DSCAM: variants seen among roughly 807,000 people sequenced by gnomAD.
DSCAM encodes cell adhesion molecule DSCAM.
DSCAM carries 47 observed loss-of-function variants against 217.7 expected under a neutral mutation model. The observed-to-expected ratio is 0.22, with a 90% CI of 0.17 to 0.28. The LOEUF (loss-of-function observed/expected upper bound fraction) is 0.28, where lower values mean the gene tolerates loss of function less well. Ranked by LOEUF, DSCAM falls within the 10% of genes least tolerant of loss-of-function variation. DSCAM has a pLI of 1.00. For synonymous variants in DSCAM, 1,056 were observed against 1,015.3 expected (o/e 1.04, Z -0.76); for missense variants, 2,080 against 2,618.3 (o/e 0.79, Z 4.49).
intron 11 of DSCAM, among the ~76,000 whole-genome samples, chr21:40,256,010 A>G (rs2073365485): frequency 6.6e-6 from 1 of 152,222 alleles, no homozygotes; most frequent in Admixed American, 6.5e-5. Flanking sequence ...CTGGATAATA[A>G]AAGGGTATTT....
At chr21:40,705,085 G>C (rs983189415) in intron 2 of DSCAM, among the ~76,000 whole-genome samples, 5 of 152,198 alleles carry the variant, frequency 3.3e-5, no homozygotes, top group African/African-American at 2.4e-5. Flanking sequence ...TAAAGCTGGG[G>C]ACAAGAGACC....
At chr21:40,122,158 T>C (rs995901610) in intron 20 of DSCAM, among the ~76,000 whole-genome samples, 1 of 152,176 alleles carries the variant, frequency 6.6e-6, no homozygotes, top group Non-Finnish European at 1.5e-5. Context: ...TTTTTCTTCC[T>C]TTTCTATTGT....
chr21:40,013,851 C>T (rs1355642938), intron 32 of DSCAM, among the ~76,000 whole-genome samples: 1 of 152,212 alleles, frequency 6.6e-6, no homozygotes, highest in East Asian at 1.9e-4. Context: ...TCTATGAAAC[C>T]TTGTGACCTT....
intron 3 of DSCAM, among the ~76,000 whole-genome samples, chr21:40,407,318 G>C (rs2075287673): frequency 6.6e-6 from 1 of 152,114 alleles, no homozygotes; most frequent in Non-Finnish European, 1.5e-5. Context: ...ATTTTAAAAA[G>C]AGAAGGTCTC....
intron 9 of DSCAM, among the ~76,000 whole-genome samples, chr21:40,311,321 A>G (rs1369874818): frequency 1.3e-5 from 2 of 152,228 alleles, no homozygotes; most frequent in Non-Finnish European, 2.9e-5. Flanking sequence ...CATAAACATC[A>G]CAGAATGTCT....
At chr21:40,632,286 A>G (rs2089702012) in intron 3 of DSCAM, among the ~76,000 whole-genome samples, 1 of 147,600 alleles carries the variant, frequency 6.8e-6, no homozygotes, top group Admixed American at 6.8e-5. Flanking sequence ...GGCTTTATGA[A>G]TACTTGTCAT....
chr21:40,089,887 C>T (rs28399843), intron 21 of DSCAM, among the ~76,000 whole-genome samples: 52,965 of 151,968 alleles, frequency 0.35, 9,448 homozygotes, highest in Admixed American at 0.4. Context: ...AAAAAATCCA[C>T]GCAATAGAGC....
Position 40,179,024 on chromosome 21 carries a change from G to A in DSCAM, c.2850C>T (p.Ile950=). ...PQLNSATIID[I]HPSSTYSIRM... ...GGATGCTGTAGGTGGAGGAAGGGTG[G>A]ATATCAATGATGGTGGCCGAGTTCA... Residue 950 remains isoleucine, a synonymous_variant, in exon 15 of 33, where the codon ATC becomes ATT. Coordinates refer to ENST00000400454, the MANE Select transcript of DSCAM (RefSeq NM_001389.5). 6.2e-7 allele frequency: 1 copy of A among 1,614,026 alleles called. No homozygotes were observed.
intron 27 of DSCAM, among the ~76,000 whole-genome samples, chr21:40,072,766 C>T (rs2089314873): frequency 1.3e-5 from 2 of 152,118 alleles, no homozygotes; most frequent in Non-Finnish European, 2.9e-5. Flanking sequence ...TCCTTAACAT[C>T]TCTTAGTAAT....
chr21:40,078,051 C>T (rs531282161), intron 26 of DSCAM, among the ~76,000 whole-genome samples: 1 of 152,184 alleles, frequency 6.6e-6, no homozygotes, highest in African/African-American at 2.4e-5. Flanking sequence ...GCCCTTGATA[C>T]CAGAAAAAAT....
intron 6 of DSCAM, among the ~76,000 whole-genome samples, chr21:40,342,338 C>A (rs942956662): frequency 1.3e-5 from 2 of 151,778 alleles, no homozygotes; most frequent in Admixed American, 6.6e-5. Context: ...TCTGTGGTTG[C>A]CTTTTTCTTT....
intron 20 of DSCAM, among the ~76,000 whole-genome samples, chr21:40,095,055 T>A (rs950674507): frequency 3.3e-5 from 5 of 151,542 alleles, no homozygotes; most frequent in Non-Finnish European, 7.4e-5. Context: ...TAAAAAGAGG[T>A]TTAATGGATT....
intron 3 of DSCAM, among the ~76,000 whole-genome samples, chr21:40,508,900 G>C (rs548867558): frequency 4.8e-5 from 7 of 146,172 alleles, no homozygotes; most frequent in Admixed American, 2.8e-4. Context: ...GCCTCCCAAA[G>C]TGCTGGGATT....
At chr21:40,253,999 G>T (rs1477699280) in intron 11 of DSCAM, among the ~76,000 whole-genome samples, 1 of 152,208 alleles carries the variant, frequency 6.6e-6, no homozygotes, top group East Asian at 1.9e-4. Context: ...CACTGCTGGT[G>T]TCTGACATAA....
intron 27 of DSCAM, among the ~76,000 whole-genome samples, chr21:40,071,242 C>G (rs1256875361): frequency 1.3e-5 from 2 of 152,022 alleles, no homozygotes; most frequent in Non-Finnish European, 2.9e-5. Context: ...TCATTAAAAG[C>G]AAAATGCGGC....
chr21:40,468,623 C>T (rs73361149), intron 3 of DSCAM, among the ~76,000 whole-genome samples: 3,216 of 152,176 alleles, frequency 0.021, 100 homozygotes, highest in African/African-American at 0.069. Flanking sequence ...TCTGCGTCCT[C>T]GTGCCCCGCC....
chr21:40,684,063 A>T (rs1252161192), intron 3 of DSCAM, among the ~76,000 whole-genome samples: 1 of 3,050 alleles, frequency 3.3e-4, no homozygotes, highest in African/African-American at 6.1e-4. Flanking sequence ...TGTCTCTACT[A>T]AAAAAAAAAA....
At chr21:40,243,561 TA>T (rs1456344917) in intron 11 of DSCAM, among the ~76,000 whole-genome samples, 1 of 152,130 alleles carries the variant, frequency 6.6e-6, no homozygotes, top group Non-Finnish European at 1.5e-5. Flanking sequence ...AGTAAATAAA[TA>T]AAAGCATCGG....
chr21:40,130,509 C>A (rs902676758), intron 19 of DSCAM, among the ~76,000 whole-genome samples: 3 of 152,106 alleles, frequency 2.0e-5, no homozygotes, highest in South Asian at 4.1e-4. Context: ...GAGACTCTGA[C>A]TACAGGCATG....
Sources: allele counts gnomAD v4.1 joint callset (sites outside exome capture counted in the v4.1 genomes callset), GRCh38; gene constraint gnomAD v4.1.1; transcripts MANE v1.5; gene names NCBI Gene and HGNC (gene_info 2026-07-23, HGNC 2026-07-21).